The following TNRC6C variants were observed in gnomAD, a reference collection of about 807,000 sequenced individuals.
TNRC6C encodes the protein trinucleotide repeat containing adaptor 6C.
Under a neutral mutation model 153.7 loss-of-function variants are expected in TNRC6C, and 20 were observed. That is an observed-to-expected ratio of 0.13 (90% CI 0.09 to 0.19). The LOEUF (loss-of-function observed/expected upper bound fraction) is 0.19, where lower values mean the gene tolerates loss of function less well. Among genes scored for constraint, TNRC6C ranks in the 10% least tolerant of loss-of-function variants. The pLI is 1.00. For synonymous variants in TNRC6C, 811 were observed against 841.4 expected (o/e 0.96, Z 0.63); for missense variants, 1,987 against 2,172.0 (o/e 0.91, Z 1.69).
intron 2 of TNRC6C, among the ~76,000 whole-genome samples, chr17:78,045,103 A>G (rs192553886): frequency 5.2e-4 from 79 of 152,264 alleles, no homozygotes; most frequent in African/African-American, 1.7e-3. Flanking sequence ...CTGGGCATTC[A>G]TTTGGAAAAG....
At chr17:78,068,323 CTA>C (rs1435890822) in intron 5 of TNRC6C, among the ~76,000 whole-genome samples, 2 of 152,188 alleles carry the variant, frequency 1.3e-5, no homozygotes. Flanking sequence ...TGTGTAGTGA[CTA>C]TTATTTTTAA....
At chr17:77,971,408 C>T (rs1034272635) in intron 1 of TNRC6C, among the ~76,000 whole-genome samples, 1 of 152,180 alleles carries the variant, frequency 6.6e-6, no homozygotes, top group African/African-American at 2.4e-5. Flanking sequence ...TCATCTCATT[C>T]AGTCCTGTGA....
chr17:77,975,550 T>C (rs1418561100), intron 1 of TNRC6C, among the ~76,000 whole-genome samples: 1 of 152,262 alleles, frequency 6.6e-6, no homozygotes, highest in African/African-American at 2.4e-5. Context: ...TTTAAAAATA[T>C]TTGTCATTCA....
intron 1 of TNRC6C, among the ~76,000 whole-genome samples, chr17:77,998,978 A>T (rs1324873723): frequency 1.3e-5 from 2 of 152,242 alleles, no homozygotes; most frequent in Non-Finnish European, 2.9e-5. Context: ...TCAGCTCAGT[A>T]CTAGGCTCTC....
chr17:77,988,905 T>G (rs2071210584), intron 1 of TNRC6C, among the ~76,000 whole-genome samples: 1 of 152,194 alleles, frequency 6.6e-6, no homozygotes, highest in African/African-American at 2.4e-5. Context: ...TTACTGCCAT[T>G]TTCTAAAATG....
chr17:78,075,128 T>C lies in TNRC6C; in HGVS notation c.2918-8T>C. The C allele has an allele frequency of 6.2e-7, 1 of 1,612,940 alleles. No individual in the cohort carries two copies. Among genetic ancestry groups the C allele is most frequent in the Non-Finnish European group, 8.5e-7 (1 of 1,179,420 alleles). On this transcript the variant is annotated splice_region_variant and splice_polypyrimidine_tract_variant and intron_variant, in intron 7 of 19. Transcript: ENST00000301624. This position sits in a 1 kb window ranked among gnomAD's most constrained non-coding sequence, Gnocchi z 4.2. ...TTTACAACATTGCTTCTGTTTGTTGTGCTCCAGGCGCTCTGCTGGAAAAGA... is the reference window on the plus strand; with the variant it reads ...TTTACAACATTGCTTCTGTTTGTTGCGCTCCAGGCGCTCTGCTGGAAAAGA...
At chr17:77,961,574 G>A (rs1038603801) in intron 1 of TNRC6C, among the ~76,000 whole-genome samples, 3 of 152,194 alleles carry the variant, frequency 2.0e-5, no homozygotes, top group South Asian at 2.1e-4. Flanking sequence ...TAGTAACCTG[G>A]AGTATATGTA....
chr17:78,042,068 A>G (rs2072306986), intron 2 of TNRC6C, among the ~76,000 whole-genome samples: 2 of 152,202 alleles, frequency 1.3e-5, no homozygotes, highest in Non-Finnish European at 2.9e-5. Flanking sequence ...AACATTTTGG[A>G]ATTTAAAGAC....
In TNRC6C at chr17:78,062,974, G is replaced by A. The variant is rs540584500; in HGVS notation, c.2396-1748G>A. On this transcript the variant is annotated intron_variant, in intron 3 of 19. Transcript: ENST00000301624. ...TAAGAAAATTGTAAAGACTGGGTAC[G>A]GTAACTCACATCTGTAATCCCAGCA... 4.7e-4 allele frequency among the ~76,000 whole-genome samples: 72 copies of A among 152,214 alleles called. 1 individual carries two copies. In the South Asian group the frequency reaches 7.1e-3, roughly 15 times the overall value.
chr17:77,994,464 G>C (rs933361335), intron 1 of TNRC6C, among the ~76,000 whole-genome samples: 2 of 152,112 alleles, frequency 1.3e-5, no homozygotes, highest in African/African-American at 4.8e-5. Flanking sequence ...TTAGTTTAAT[G>C]GCTCCTGAAA....
At chr17:78,064,411 G>C (rs2072831378) in intron 3 of TNRC6C, among the ~76,000 whole-genome samples, 1 of 152,172 alleles carries the variant, frequency 6.6e-6, no homozygotes, top group African/African-American at 2.4e-5. Flanking sequence ...AGCCAAACAA[G>C]CCATGTGCAG....
At chr17:78,027,076 G>A (rs1395236168) in intron 1 of TNRC6C, among the ~76,000 whole-genome samples, 2 of 152,148 alleles carry the variant, frequency 1.3e-5, no homozygotes, top group African/African-American at 4.8e-5. Context: ...CCTGCCAAGG[G>A]GGATGGGAAA....
chr17:78,082,895 A>T (rs886282680), intron 10 of TNRC6C, among the ~76,000 whole-genome samples, 152 bp from the exon 13 acceptor site: 2 of 152,244 alleles, frequency 1.3e-5, no homozygotes, highest in Non-Finnish European at 2.9e-5. Flanking sequence ...TACAATAATC[A>T]GGAGCATTTC....
intron 10 of TNRC6C, among the ~76,000 whole-genome samples, chr17:78,082,374 T>C (rs1370257941): frequency 1.3e-5 from 2 of 152,036 alleles, no homozygotes; most frequent in African/African-American, 4.8e-5. Context: ...AAGTACAGTA[T>C]ACAGGGATAA....
chr17:78,061,574 C>T (rs1390854686), intron 3 of TNRC6C, among the ~76,000 whole-genome samples: 1 of 152,148 alleles, frequency 6.6e-6, no homozygotes, highest in Non-Finnish European at 1.5e-5. Context: ...CTCAGCTACT[C>T]AGAAGCAGGA....
Position 77,986,114 on chromosome 17 carries a change from G to A in TNRC6C, c.-37-18056G>A, listed in dbSNP as rs1328296113. On this transcript the variant is annotated intron_variant, in intron 1 of 22. Coordinates refer to the TNRC6C transcript ENST00000636222. ...CCTAGACATGAGCTTAACATGTACA[G>A]GAAATAAATATGAAGAAATGGGCTG... Among the ~76,000 whole-genome samples the A allele has an allele frequency of 2.6e-5, 4 of 152,184 alleles. No homozygotes were observed. In the East Asian group the frequency reaches 7.7e-4, roughly 29 times the overall value.
intron 1 of TNRC6C, among the ~76,000 whole-genome samples, chr17:78,021,660 C>T (rs1219689264): frequency 1.3e-5 from 2 of 152,162 alleles, no homozygotes; most frequent in African/African-American, 2.4e-5. Context: ...ACCTCTGCCT[C>T]CCTGGCTCAA....
chr17:78,097,508 G>A lies in TNRC6C; in HGVS notation c.4307-835G>A, dbSNP rs144452942. On this transcript the variant is annotated intron_variant, in intron 16 of 19. Coordinates refer to ENST00000301624, the Ensembl canonical transcript of TNRC6C. ...CTCAAAGAAGCTCATGCTGCTTCTT[G>A]CCCTTTGATTCCTCTGCCTTCAGCA... Among the ~76,000 whole-genome samples, 40 of 152,272 alleles carry A rather than the reference G, an allele frequency of 2.6e-4. No homozygotes were observed. In the East Asian group the frequency reaches 6.9e-3, roughly 26 times the overall value.
chr17:77,976,613 A>G (rs2071000670), intron 1 of TNRC6C, among the ~76,000 whole-genome samples: 1 of 152,184 alleles, frequency 6.6e-6, no homozygotes, highest in Non-Finnish European at 1.5e-5. Flanking sequence ...TAAGCAATAT[A>G]TAGTCACTAA....
Sources: gnomAD v4.1 joint callset for allele counts (sites outside exome capture counted in the v4.1 genomes callset) on GRCh38, gnomAD v4.1.1 for gene constraint, Gnocchi (gnomAD v3.1) non-coding constraint, MANE v1.5 for transcripts, NCBI Gene and HGNC (gene_info 2026-07-23, HGNC 2026-07-21) for gene names.